The following P2RX4 variants were observed in gnomAD, a reference collection of about 807,000 sequenced individuals.
P2RX4 encodes the protein purinergic receptor P2X 4.
A neutral mutation model predicts 48.0 loss-of-function variants in P2RX4; 37 were observed. That is an observed-to-expected ratio of 0.77 (90% confidence interval 0.59 to 1.01). The LOEUF (loss-of-function observed/expected upper bound fraction) is 1.01, where lower values mean the gene tolerates loss of function less well. Among genes scored for constraint, P2RX4 ranks in the 50% least tolerant of loss-of-function variants. P2RX4 has a pLI of 0.00. For synonymous variants in P2RX4, 200 were observed against 199.7 expected (o/e 1.00, Z -0.01); for missense variants, 501 against 521.4 (o/e 0.96, Z 0.38).
chr12:121,217,347 G>T, intron 2 of P2RX4, 66 bp downstream of exon 2: 2 of 1,525,712 alleles, frequency 1.3e-6, no homozygotes, highest in South Asian at 2.3e-5. Flanking sequence ...TTGCACACTT[G>T]ATTAATGATT....
intron 2 of P2RX4, among the ~76,000 whole-genome samples, chr12:121,217,508 G>T (rs1886308676): frequency 6.6e-6 from 1 of 152,204 alleles, no homozygotes; most frequent in Non-Finnish European, 1.5e-5. Flanking sequence ...CAGGCTGAAA[G>T]CCCTGAAAGA....
chr12:121,228,642 C>A (rs779804294), intron 6 of P2RX4, 29 bp downstream of exon 6: 15 of 1,612,332 alleles, frequency 9.3e-6, no homozygotes, highest in Non-Finnish European at 1.1e-5. Flanking sequence ...TGTGAGTTCA[C>A]CAGGGTCTTG....
Position 121,222,302 on chromosome 12 carries a change from A to C in P2RX4, c.427+136A>C. The stretch of plus-strand genomic sequence containing the variant: ...CCAGGTGCCGAGGCTGGGGTCCTGG[A>C]GCCCCTCTACATTCACTGCTGTCAT... On this transcript the variant is annotated intron_variant, in intron 4 of 11. Coordinates refer to ENST00000337233, the MANE Select transcript of P2RX4 (RefSeq NM_002560.3). 4 of 675,298 alleles carry C rather than the reference A, an allele frequency of 5.9e-6. No homozygotes were observed. The South Asian group carries it at 6.6e-5, about 11-fold the overall frequency. 41.8% of individuals were successfully genotyped at this position (675,298 alleles called of 1,614,324 possible). A position where few individuals can be genotyped will look rare whatever the true frequency, so the allele number is the denominator to read the frequency against.
chr12:121,222,985 G>T lies in P2RX4; in HGVS notation c.466G>T (p.Val156Phe). ...TGRCVAFNGS[V>F]KTCEVAAWCP... is the part of the protein sequence containing the mutation. Reference sequence around the variant, plus strand: ...CAGGTGCGTAGCTTTCAACGGGTCTGTCAAGACGTGTGAGGTGGCGGCCTG... The same window carrying T: ...CAGGTGCGTAGCTTTCAACGGGTCTTTCAAGACGTGTGAGGTGGCGGCCTG... The change falls in exon 5 of 12, where the codon GTC becomes TTC. Residue 156 changes from valine (V) to phenylalanine (F), a missense_variant. Val to Phe is a conservative substitution (Grantham distance 50, BLOSUM62 -1). Transcript: ENST00000337233. The T allele has an allele frequency of 6.2e-7, 1 of 1,613,838 alleles. No homozygotes were observed.
intron 5 of P2RX4, among the ~76,000 whole-genome samples, chr12:121,227,420 G>A (rs76047124): frequency 0.042 from 6,462 of 152,314 alleles, 176 homozygotes; most frequent in South Asian, 0.12. Flanking sequence ...AGAGGCCGGC[G>A]CACCTGCTGG....
chr12:121,232,648 T>G lies in P2RX4; in HGVS notation c.1016T>G (p.Ile339Ser). 1 of 1,614,062 alleles carries G rather than the reference T, an allele frequency of 6.2e-7. No homozygotes were observed. The highest frequency in any genetic ancestry group is 8.5e-7 in the Non-Finnish European group (1 of 1,179,938). Reference protein sequence around the residue: ...KFDIIPTMINIGSGLALLGMA... With the variant: ...KFDIIPTMINSGSGLALLGMA... ...GACATCATCCCCACTATGATCAACA[T>G]CGGCTCTGGCCTGGCACTGCTAGGC... Residue 339 changes from isoleucine (I) to serine (S), a missense_variant, in exon 10 of 12, where the codon ATC (isoleucine) becomes AGC (serine). This residue lies in a region of P2RX4 where 197 missense variants were observed against 219.5 expected (regional missense o/e 0.90). Coordinates refer to ENST00000337233, the MANE Select transcript of P2RX4 (RefSeq NM_002560.3). The surrounding 1 kb of genome is among the most constrained non-coding windows in gnomAD (Gnocchi z 4.3).
At chr12:121,218,977 A>T (rs1886397948) in intron 2 of P2RX4, among the ~76,000 whole-genome samples, 1 of 152,026 alleles carries the variant, frequency 6.6e-6, no homozygotes, top group South Asian at 2.1e-4. Context: ...GTGAACTGTG[A>T]TCACGCCACT....
chr12:121,216,723 G>A (rs1886245482), intron 1 of P2RX4: 1 of 463,972 alleles, frequency 2.2e-6, no homozygotes, highest in African/African-American at 2.0e-5. Flanking sequence ...GGGAAGCTGA[G>A]GCAGGAGAAT....
chr12:121,224,588 A>G (rs1184671635), intron 5 of P2RX4, among the ~76,000 whole-genome samples: 2 of 152,096 alleles, frequency 1.3e-5, no homozygotes, highest in African/African-American at 4.8e-5. Context: ...GGCGACAGAG[A>G]GAGACTCTGT....
intron 8 of P2RX4, among the ~76,000 whole-genome samples, chr12:121,230,726 C>T (rs553493588): frequency 6.6e-6 from 1 of 152,242 alleles, no homozygotes; most frequent in Admixed American, 6.5e-5. Context: ...CTGTGTCTCC[C>T]AGGCCTGGCC....
intron 5 of P2RX4, among the ~76,000 whole-genome samples, chr12:121,226,863 A>C (rs983386347): frequency 2.6e-5 from 4 of 152,084 alleles, no homozygotes; most frequent in Non-Finnish European, 5.9e-5. Context: ...CTGTAATCCC[A>C]GCACTTTGGG....
rs376264900 is a variant in P2RX4, at chr12:121,222,105, G to A, written c.366G>A (p.Ala122=). 14 of 1,611,018 alleles carry A rather than the reference G, an allele frequency of 8.7e-6. No homozygotes were observed. Among genetic ancestry groups the A allele is most frequent in the Admixed American group, 1.7e-5 (1 of 59,980 alleles). The change falls in exon 4 of 12, where the codon GCG becomes GCA. Residue 122 remains alanine (A), a synonymous_variant. Transcript: ENST00000337233. ...CCTTCTTTTTCCAGATTCCAGATGC[G>A]ACCACTGTGTGTAAATCAGATGCCA... is the stretch of plus-strand genomic sequence containing the variant. ...TQGLCPEIPD[A]TTVCKSDASC...
chr12:121,210,387 C>T (rs1040831092), intron 1 of P2RX4, 89 bp downstream of exon 1: 19 of 1,268,672 alleles, frequency 1.5e-5, no homozygotes, highest in Non-Finnish European at 1.9e-5. Context: ...GTCACCTGGG[C>T]GAGTCCGGGA....
chr12:121,218,732 C>T (rs1051024653), intron 2 of P2RX4, among the ~76,000 whole-genome samples: 1 of 152,156 alleles, frequency 6.6e-6, no homozygotes, highest in African/African-American at 2.4e-5. Context: ...GGGCGGGGGC[C>T]GTGTGAGTTC....
At chr12:121,221,840 G>A in intron 2 of P2RX4, 73 bp from the exon 3 acceptor site, 3 of 1,283,282 alleles carry the variant, frequency 2.3e-6, no homozygotes, top group Non-Finnish European at 3.4e-6. Context: ...GTCCTCTTCA[G>A]TCAGCGTCTG....
Position 121,223,030 on chromosome 12 carries a change from A to G in P2RX4, c.511A>G (p.Thr171Ala). 1.2e-6 allele frequency: 2 copies of G among 1,607,518 alleles called. No homozygotes were observed. The highest frequency in any genetic ancestry group is 1.7e-6 in the Non-Finnish European group (2 of 1,174,022). The change falls in exon 5 of 12, where the codon ACA (threonine) becomes GCA (alanine). Residue 171 changes from threonine (T) to alanine (A), a missense_variant. Around this residue, in one of 3 missense-constraint regions of P2RX4, gnomAD observed 295 missense variants for 275.3 expected, o/e 1.07. Coordinates refer to ENST00000337233, the MANE Select transcript of P2RX4 (RefSeq NM_002560.3). ...VAAWCPVEDD[T>A]HVPQPAFLKA... is the part of the protein sequence containing the mutation. The stretch of plus-strand genomic sequence containing the variant: ...GGCCTGGTGCCCGGTGGAGGATGAC[A>G]CACACGTGCCACAGTGAGTCCAGCC...
chr12:121,232,760 C>A lies in P2RX4; in HGVS notation c.1044+84C>A, dbSNP rs1008633117. 3 of 1,177,252 alleles carry A rather than the reference C, an allele frequency of 2.5e-6. No homozygotes were observed. Among genetic ancestry groups the A allele is most frequent in the African/African-American group, 3.0e-5 (2 of 66,336 alleles). The allele number at this position is 1,177,252 out of a possible 1,614,324, so 72.9% of individuals were successfully genotyped here. A position where few individuals can be genotyped will look rare whatever the true frequency, so the allele number is the denominator to read the frequency against. On this transcript the variant is annotated intron_variant, in intron 10 of 11. Coordinates refer to ENST00000337233, the MANE Select transcript of P2RX4 (RefSeq NM_002560.3). This position sits in a 1 kb window ranked among gnomAD's most constrained non-coding sequence, Gnocchi z 4.3. ...CCTGGTCCTGGCCCTAGGCCCTAGA[C>A]CTCAGATGTGTTTCTAAACTTGACC...
chr12:121,232,852 C>A lies in P2RX4; in HGVS notation c.1045-145C>A. On this transcript the variant is annotated intron_variant, in intron 10 of 11. Transcript: ENST00000337233. The surrounding 1 kb of genome is among the most constrained non-coding windows in gnomAD (Gnocchi z 4.3). The stretch of plus-strand genomic sequence containing the variant: ...TTCCCTTCTCCAAGACCACCCCCCT[C>A]AGGTCCCAGCCTTCTCCCAAGAGAT... 1 of 859,230 alleles carries A rather than the reference C, an allele frequency of 1.2e-6. No individual in the cohort carries two copies. Among genetic ancestry groups the A allele is most frequent in the Non-Finnish European group, 2.0e-6 (1 of 503,436 alleles). The allele number at this position is 859,230 out of a possible 1,614,324, so 53.2% of individuals were successfully genotyped here. A position where few individuals can be genotyped will look rare whatever the true frequency, so the allele number is the denominator to read the frequency against.
chr12:121,217,311 C>T (rs1886294472), intron 2 of P2RX4, 30 bp downstream of exon 2: 1 of 1,605,906 alleles, frequency 6.2e-7, no homozygotes, highest in Admixed American at 1.7e-5. Context: ...TTCTGTCTAA[C>T]ACTGACACCT....
Sources: gnomAD v4.1 joint callset for allele counts (sites outside exome capture counted in the v4.1 genomes callset) on GRCh38, gnomAD v4.1.1 for gene constraint, gnomAD v4.1.1 regional missense constraint, Gnocchi (gnomAD v3.1) non-coding constraint, MANE v1.5 for transcripts, NCBI Gene and HGNC (gene_info 2026-07-23, HGNC 2026-07-21) for gene names.